Variants in RBFOX3 observed in about 807,000 individuals in gnomAD.
RBFOX3 encodes the protein RNA binding protein fox-1 homolog 3.
A neutral mutation model predicts 48.7 loss-of-function variants in RBFOX3; 17 were observed. That is an observed-to-expected ratio of 0.35 (90% CI 0.24 to 0.52). RBFOX3 has a LOEUF of 0.52. Ranked by LOEUF, RBFOX3 falls within the 20% of genes least tolerant of loss-of-function variation. RBFOX3 has a pLI of 0.94. For synonymous variants in RBFOX3, 212 were observed against 209.5 expected (o/e 1.01, Z -0.10); for missense variants, 382 against 497.5 (o/e 0.77, Z 2.21).
rs367559413 is a variant in RBFOX3 at position 79,115,575 on chromosome 17, C to G, written c.141G>C (p.Leu47=). The G allele has an allele frequency of 1.6e-5, 23 of 1,423,982 alleles. No homozygotes were observed. In the African/African-American group the frequency reaches 2.8e-4, roughly 17 times the overall value. 88.2% of individuals were successfully genotyped at this position (1,423,982 alleles called of 1,614,324 possible). Residue 47 remains leucine, a synonymous_variant, in exon 5 of 15, where the codon CTG becomes CTC. Transcript: ENST00000693108. ...TPVPTEHGMT[L]YTPAQTHPEQ... is the part of the protein sequence containing the mutation. ...CGGGGTGGGTCTGTGCTGGTGTGTA[C>G]AGGGTCATGCCATGCTCTGTGGGGA... is the stretch of plus-strand genomic sequence containing the variant.
intron 2 of RBFOX3, among the ~76,000 whole-genome samples, chr17:79,472,063 G>A (rs1322898411): frequency 8.5e-5 from 13 of 152,290 alleles, no homozygotes; most frequent in East Asian, 3.9e-4. Context: ...AGATGACGAC[G>A]ACCGCCCAGC....
At chr17:79,494,308 G>A (rs1188299095) in intron 1 of RBFOX3, among the ~76,000 whole-genome samples, 1 of 152,182 alleles carries the variant, frequency 6.6e-6, no homozygotes, top group East Asian at 1.9e-4. Context: ...AAGATGCAGT[G>A]TAAGGGGTGA....
At chr17:79,268,795 C>T (rs929555522) in intron 3 of RBFOX3, among the ~76,000 whole-genome samples, 2 of 152,230 alleles carry the variant, frequency 1.3e-5, no homozygotes, top group African/African-American at 4.8e-5. Flanking sequence ...GTGCTGCCCG[C>T]TGCCTGCCAC....
At chr17:79,634,126 C>T in the RBFOX3 span, among the ~76,000 whole-genome samples, 5 of 152,344 alleles carry the variant, frequency 3.3e-5, no homozygotes, top group Non-Finnish European at 5.9e-5. Context: ...CAGCCTGGAG[C>T]CCTGGAGGCC....
At chr17:79,461,841 C>G (rs2149268428) in intron 2 of RBFOX3, among the ~76,000 whole-genome samples, 1 of 152,298 alleles carries the variant, frequency 6.6e-6, no homozygotes, top group East Asian at 1.9e-4. Context: ...GAGGTAGAGG[C>G]TGGAGGGATG....
intron 2 of RBFOX3, among the ~76,000 whole-genome samples, chr17:79,388,223 T>G (rs2060850943): frequency 1.3e-5 from 2 of 152,318 alleles, no homozygotes; most frequent in South Asian, 4.1e-4. Flanking sequence ...ATGTGCTCCA[T>G]GGGCTGTGAC....
chr17:79,511,450 G>A (rs1555781057), intron 1 of RBFOX3, among the ~76,000 whole-genome samples: 1 of 152,152 alleles, frequency 6.6e-6, no homozygotes, highest in Non-Finnish European at 1.5e-5. Context: ...TCGTGGAAAT[G>A]GGATAATTGC....
intron 4 of RBFOX3, among the ~76,000 whole-genome samples, chr17:79,193,985 G>A (rs1420586605): frequency 1.3e-5 from 2 of 152,188 alleles, no homozygotes; most frequent in Non-Finnish European, 2.9e-5. Context: ...GGCATCACCA[G>A]CAGAGGGAAG....
intron 1 of RBFOX3, among the ~76,000 whole-genome samples, chr17:79,527,616 G>A (rs1201636222): frequency 2.0e-5 from 3 of 152,152 alleles, no homozygotes; most frequent in Non-Finnish European, 2.9e-5. Flanking sequence ...TTCCCTCCAC[G>A]GAGGCTTCTG....
chr17:79,431,389 C>T (rs568518349), intron 2 of RBFOX3, among the ~76,000 whole-genome samples: 3 of 152,250 alleles, frequency 2.0e-5, no homozygotes, highest in Admixed American at 2.0e-4. Context: ...TCTTGGCTCA[C>T]GGCAACCTCC....
Position 79,364,895 on chromosome 17 carries a change from T to C in RBFOX3, c.-174-57071A>G, listed in dbSNP as rs544572053. Among the ~76,000 whole-genome samples the C allele has an allele frequency of 7.2e-5, 11 of 152,294 alleles. No individual in the cohort carries two copies. The highest frequency in any genetic ancestry group is 3.9e-4 in the Admixed American group (6 of 15,308). On this transcript the variant is annotated intron_variant, in intron 2 of 14. Transcript: ENST00000693108. This position sits in a 1 kb window ranked among gnomAD's most constrained non-coding sequence, Gnocchi z 5.1. ...CAGAACCACTCAGTCAATGTGAGGC[T>C]GACTCCTGGTGCCCAGGGAGTGGCT...
At chr17:79,262,649 G>T (rs1200518507) in intron 3 of RBFOX3, among the ~76,000 whole-genome samples, 1 of 152,202 alleles carries the variant, frequency 6.6e-6, no homozygotes, top group East Asian at 1.9e-4. Context: ...GGCTCACGGT[G>T]CCAGCTGTGG....
At chr17:79,366,191 C>T (rs1037676991) in intron 2 of RBFOX3, among the ~76,000 whole-genome samples, 9 of 152,226 alleles carry the variant, frequency 5.9e-5, no homozygotes, top group Non-Finnish European at 7.3e-5. Context: ...AAGCAACCCA[C>T]GATCAGCCTG....
intron 4 of RBFOX3, among the ~76,000 whole-genome samples, chr17:79,171,520 T>A (rs550649686): frequency 6.6e-6 from 1 of 152,246 alleles, no homozygotes; most frequent in South Asian, 2.1e-4. Flanking sequence ...ATAAAACTTT[T>A]AAAAAATAAA....
chr17:79,221,584 C>T (rs993984561), intron 4 of RBFOX3, among the ~76,000 whole-genome samples: 1 of 152,242 alleles, frequency 6.6e-6, no homozygotes, highest in African/African-American at 2.4e-5. Flanking sequence ...GGTCCCCCAA[C>T]CCAACTGTGT....
intron 4 of RBFOX3, among the ~76,000 whole-genome samples, chr17:79,190,684 CT>C (rs1303135404): frequency 6.6e-6 from 1 of 152,182 alleles, no homozygotes; most frequent in African/African-American, 2.4e-5. Context: ...GTACACAAAC[CT>C]TTTCCGTCTT....
chr17:79,526,349 G>A (rs1367148479), intron 1 of RBFOX3, among the ~76,000 whole-genome samples: 15 of 152,240 alleles, frequency 9.9e-5, no homozygotes, highest in African/African-American at 2.9e-4. Context: ...GGGACCAGGC[G>A]TTGAGCCAAG....
intron 2 of RBFOX3, among the ~76,000 whole-genome samples, chr17:79,455,106 G>T (rs552827220): frequency 5.5e-4 from 83 of 152,110 alleles, no homozygotes; most frequent in African/African-American, 1.9e-3. Context: ...CCCTCCACGG[G>T]GTGTGCACAG....
chr17:79,363,676 C>A lies in RBFOX3; in HGVS notation c.-174-55852G>T, dbSNP rs1233770994. On this transcript the variant is annotated intron_variant, in intron 2 of 14. Transcript: ENST00000693108. The surrounding 1 kb of genome is among the most constrained non-coding windows in gnomAD (Gnocchi z 4.7). ...CTTTCCTTGATGCCAGTATCCAGGC[C>A]ACCAGCAGGTGTTTCAGGGACCTCC... Among the ~76,000 whole-genome samples, 2 of 151,992 alleles carry A rather than the reference C, an allele frequency of 1.3e-5. No homozygotes were observed. Among genetic ancestry groups the A allele is most frequent in the African/African-American group, 4.8e-5 (2 of 41,450 alleles).
Sources: gnomAD v4.1 joint callset for allele counts (sites outside exome capture counted in the v4.1 genomes callset) on GRCh38, gnomAD v4.1.1 for gene constraint, Gnocchi (gnomAD v3.1) non-coding constraint, MANE v1.5 for transcripts, NCBI Gene and HGNC (gene_info 2026-07-23, HGNC 2026-07-21) for gene names.